The following SMIM12 variants were observed in gnomAD, a reference collection of about 807,000 sequenced individuals.
SMIM12 encodes small integral membrane protein 12.
Under a neutral mutation model 6.3 loss-of-function variants are expected in SMIM12, and 5 were observed. The ratio of observed to expected loss-of-function variants is 0.80; its 90% CI spans 0.42 to 1.68. The LOEUF is 1.68. Ranked by LOEUF, SMIM12 falls within the 40% of genes most tolerant of loss-of-function variation. The probability of loss-of-function intolerance (pLI) is 0.02; values close to 1 mark genes in which losing one functional copy is unlikely to be tolerated. For missense variants in SMIM12, 103 were observed against 121.4 expected (o/e 0.85, Z 0.71); for synonymous variants, 51 against 48.0 (o/e 1.06, Z -0.26).
In SMIM12 at chr1:34,854,943, T is replaced by C. The variant is rs966973352; in HGVS notation, c.*756A>G. 3 of 729,382 alleles carry C rather than the reference T, an allele frequency of 4.1e-6. No homozygotes were observed. In the African/African-American group the frequency reaches 5.6e-5, roughly 14 times the overall value. The allele number at this position is 729,382 out of a possible 1,614,324, so 45.2% of individuals were successfully genotyped here. A position where few individuals can be genotyped will look rare whatever the true frequency, so the allele number is the denominator to read the frequency against. ...TAGTAAAGCAGTTTCCAGGGCTCCT[T>C]GGCACCCTTTAATACCAATGTTATC... On this transcript the variant is annotated 3_prime_UTR_variant, in exon 2 of 2. Transcript: ENST00000521580.
In SMIM12 at chr1:34,854,991, G is replaced by C; in HGVS notation, c.*708C>G. 2 of 1,157,706 alleles carry C rather than the reference G, an allele frequency of 1.7e-6. No homozygotes were observed. Among genetic ancestry groups the C allele is most frequent in the Non-Finnish European group, 2.3e-6 (2 of 884,702 alleles). 71.7% of individuals were successfully genotyped at this position (1,157,706 alleles called of 1,614,324 possible). A position where few individuals can be genotyped will look rare whatever the true frequency, so the allele number is the denominator to read the frequency against. On this transcript the variant is annotated 3_prime_UTR_variant, in exon 2 of 2. Coordinates refer to ENST00000521580, the MANE Select transcript of SMIM12 (RefSeq NM_138428.6). ...ATCCTGCTCTAAAATGCCTGTACTT[G>C]CCTAACTCCTAAGAAGACCCCCAAA...
chr1:34,854,330 TA>T lies in SMIM12; in HGVS notation c.*1368del, dbSNP rs1388202492. ...CTCCAAAAAAAAAGAAAAAAGAAAC[TA>T]CAGGCCAAGGCCGGAGGATCACTTG... is the stretch of plus-strand genomic sequence containing the variant. On this transcript the variant is annotated 3_prime_UTR_variant, in exon 2 of 2. Coordinates refer to ENST00000521580, the MANE Select transcript of SMIM12 (RefSeq NM_138428.6). The T allele has an allele frequency of 1.3e-5, 2 of 151,594 alleles. No individual in the cohort carries two copies. The highest frequency in any genetic ancestry group is 2.9e-5 in the Non-Finnish European group (2 of 67,952). The allele number at this position is 151,594 out of a possible 1,614,324, so 9.4% of individuals were successfully genotyped here.
chr1:34,854,161 AGCC>A lies in SMIM12; in HGVS notation c.*1535_*1537del, dbSNP rs1486647255. Reference sequence around the variant, plus strand: ...TGTCTTTACTAAAAACACAAAAACTAGCCAGGCACGATGGCGCACGCCTGTAAT... The same window carrying A: ...TGTCTTTACTAAAAACACAAAAACTAAGGCACGATGGCGCACGCCTGTAAT... On this transcript the variant is annotated 3_prime_UTR_variant, in exon 2 of 2. Transcript: ENST00000521580. 2.0e-5 allele frequency: 3 copies of A among 151,776 alleles called. No homozygotes were observed. The East Asian group carries it at 5.8e-4, about 29-fold the overall frequency. The allele number at this position is 151,776 out of a possible 1,614,324, so 9.4% of individuals were successfully genotyped here. A position where few individuals can be genotyped will look rare whatever the true frequency, so the allele number is the denominator to read the frequency against.
chr1:34,859,170 G>A (rs1001562824), intron 1 of SMIM12: 5 of 152,374 alleles, frequency 3.3e-5, no homozygotes, highest in East Asian at 3.9e-4. Flanking sequence ...CATATTTCCA[G>A]CCCGGCATGG....
At chr1:34,856,353 C>T (rs948678794) in intron 1 of SMIM12, among the ~76,000 whole-genome samples, 12 of 151,666 alleles carry the variant, frequency 7.9e-5, no homozygotes, top group African/African-American at 2.9e-4. Context: ...AGCCACCACA[C>T]CTGGCCAGCC....
Position 34,855,353 on chromosome 1 carries a change from C to G in SMIM12, c.*346G>C, listed in dbSNP as rs545827952. 1.4e-6 allele frequency: 2 copies of G among 1,433,734 alleles called. No individual in the cohort carries two copies. The highest frequency in any genetic ancestry group is 1.4e-5 in the African/African-American group (1 of 70,538). 88.8% of individuals were successfully genotyped at this position (1,433,734 alleles called of 1,614,324 possible). A position where few individuals can be genotyped will look rare whatever the true frequency, so the allele number is the denominator to read the frequency against. ...ATGCAGGTATCCCTCCTAAAGGCAA[C>G]GCCCAAATCCCAGCCATTCCCACTA... is the stretch of plus-strand genomic sequence containing the variant. On this transcript the variant is annotated 3_prime_UTR_variant, in exon 2 of 2. Coordinates refer to ENST00000521580, the MANE Select transcript of SMIM12 (RefSeq NM_138428.6).
rs1640926908 is a variant in SMIM12 at position 34,851,405 on chromosome 1, T to C, written c.*4294A>G. On this transcript the variant is annotated 3_prime_UTR_variant, in exon 2 of 2. Transcript: ENST00000521580. ...CAGACTCTAGAATCCACTTTATTTT[T>C]CCTCTGCTACACTGCCCTGGCTCCC... 1 of 152,198 alleles carries C rather than the reference T, an allele frequency of 6.6e-6. No individual in the cohort carries two copies. The highest frequency in any genetic ancestry group is 1.5e-5 in the Non-Finnish European group (1 of 68,052). 9.4% of individuals were successfully genotyped at this position (152,198 alleles called of 1,614,324 possible).
Position 34,855,116 on chromosome 1 carries a change from T to A in SMIM12, c.*583A>T. On this transcript the variant is annotated 3_prime_UTR_variant, in exon 2 of 2. Transcript: ENST00000521580. The stretch of plus-strand genomic sequence containing the variant: ...ATGGGGGTAGAAGATGGTGACTGTT[T>A]TCAAGCAAATTCACGAGGCACATGT... 7.5e-7 allele frequency: 1 copy of A among 1,333,538 alleles called. No homozygotes were observed. The highest frequency in any genetic ancestry group is 1.0e-6 in the Non-Finnish European group (1 of 1,004,258). 82.6% of individuals were successfully genotyped at this position (1,333,538 alleles called of 1,614,324 possible).
chr1:34,857,333 AAC>A (rs1638687048), intron 1 of SMIM12: 1 of 152,168 alleles, frequency 6.6e-6, no homozygotes, highest in Non-Finnish European at 1.5e-5. Context: ...GTAATGTAAA[AAC>A]ACACAAATTG....
chr1:34,856,350 A>C (rs1209119659), intron 1 of SMIM12, among the ~76,000 whole-genome samples: 1 of 151,146 alleles, frequency 6.6e-6, no homozygotes, highest in Non-Finnish European at 1.5e-5. Flanking sequence ...GTGAGCCACC[A>C]CACCTGGCCA....
At chr1:34,858,725 TAA>T (rs1638727892) in intron 1 of SMIM12, 1 of 152,244 alleles carries the variant, frequency 6.6e-6, no homozygotes, top group South Asian at 2.1e-4. Flanking sequence ...ACATGCAGCA[TAA>T]AGTCTCTCGC....
intron 1 of SMIM12, among the ~76,000 whole-genome samples, chr1:34,856,309 C>T (rs193235384): frequency 1.3e-5 from 2 of 152,042 alleles, no homozygotes; most frequent in Admixed American, 6.5e-5. Context: ...ATTCACCCAC[C>T]TCAGCCTCCC....
In SMIM12 at chr1:34,852,567, G is replaced by C. The variant is rs1192467473; in HGVS notation, c.*3132C>G. 1 of 151,208 alleles carries C rather than the reference G, an allele frequency of 6.6e-6. No individual in the cohort carries two copies. Among genetic ancestry groups the C allele is most frequent in the Admixed American group, 6.6e-5 (1 of 15,154 alleles). 9.4% of individuals were successfully genotyped at this position (151,208 alleles called of 1,614,324 possible). A position where few individuals can be genotyped will look rare whatever the true frequency, so the allele number is the denominator to read the frequency against. On this transcript the variant is annotated 3_prime_UTR_variant, in exon 2 of 2. Coordinates refer to ENST00000521580, the MANE Select transcript of SMIM12 (RefSeq NM_138428.6). ...AGCCACTGGGTCAAATTAACCCCAC[G>C]GGTATGATAGCATGCTTAGAATTTT...
rs896113193 is a variant in SMIM12 at position 34,853,334 on chromosome 1, T to G, written c.*2365A>C. ...TGACTTTAGTTAAACATCAGTAGGC[T>G]TCAAGAGGCAACAGCTTCTTATGCT... On this transcript the variant is annotated 3_prime_UTR_variant, in exon 2 of 2. Coordinates refer to ENST00000521580, the MANE Select transcript of SMIM12 (RefSeq NM_138428.6). 6.6e-6 allele frequency: 1 copy of G among 152,284 alleles called. No homozygotes were observed. Among genetic ancestry groups the G allele is most frequent in the African/African-American group, 2.4e-5 (1 of 41,462 alleles). The allele number at this position is 152,284 out of a possible 1,614,324, so 9.4% of individuals were successfully genotyped here.
chr1:34,859,154 G>A (rs902746280), intron 1 of SMIM12: 1 of 152,266 alleles, frequency 6.6e-6, no homozygotes, highest in Non-Finnish European at 1.5e-5. Context: ...GAAAAACACT[G>A]TGACGCATAT....
Position 34,855,938 on chromosome 1 carries a change from G to A in SMIM12, c.40C>T (p.Pro14Ser). 1 of 1,551,464 alleles carries A rather than the reference G, an allele frequency of 6.4e-7. No individual in the cohort carries two copies. The highest frequency in any genetic ancestry group is 8.7e-7 in the Non-Finnish European group (1 of 1,146,846). ...VFWTVVRTYA[P>S]YVTFPVAFVV... ...AAGGCAACAGGGAATGTGACATAAGGAGCATAGGTACGAACCACGGTCCAA... is the reference window on the plus strand; with the variant it reads ...AAGGCAACAGGGAATGTGACATAAGAAGCATAGGTACGAACCACGGTCCAA... Residue 14 changes from proline to serine, a missense_variant, in exon 2 of 2, where the codon CCT (proline) becomes TCT (serine). By Grantham distance (74) the Pro-to-Ser change is moderately conservative. Transcript: ENST00000521580.
rs1043712345 is a variant in SMIM12, at chr1:34,851,134, G to C, written c.*4565C>G. 4 of 152,208 alleles carry C rather than the reference G, an allele frequency of 2.6e-5. No individual in the cohort carries two copies. The highest frequency in any genetic ancestry group is 2.6e-4 in the Admixed American group (4 of 15,288). 9.4% of individuals were successfully genotyped at this position (152,208 alleles called of 1,614,324 possible). A position where few individuals can be genotyped will look rare whatever the true frequency, so the allele number is the denominator to read the frequency against. On this transcript the variant is annotated 3_prime_UTR_variant, in exon 2 of 2. Transcript: ENST00000521580. ...AATTAAAGCTGCTAACATTTACTGAGTACCTACTGGTTGTTGTGAGGATGA... is the reference window on the plus strand; with the variant it reads ...AATTAAAGCTGCTAACATTTACTGACTACCTACTGGTTGTTGTGAGGATGA...
At chr1:34,858,716 C>T (rs1638727492) in intron 1 of SMIM12, 1 of 152,228 alleles carries the variant, frequency 6.6e-6, no homozygotes, top group South Asian at 2.1e-4. Flanking sequence ...CTATCTCTCA[C>T]ATGCAGCATA....
chr1:34,856,730 G>A (rs890415573), intron 1 of SMIM12: 1 of 152,132 alleles, frequency 6.6e-6, no homozygotes, highest in East Asian at 1.9e-4. Flanking sequence ...ATGAAAAGTC[G>A]TTCCTTTTCC....
Sources: gnomAD v4.1 joint callset for allele counts (sites outside exome capture counted in the v4.1 genomes callset) on GRCh38, gnomAD v4.1.1 for gene constraint, MANE v1.5 for transcripts, NCBI Gene and HGNC (gene_info 2026-07-23, HGNC 2026-07-21) for gene names.